The following PWWP2A variants were observed in gnomAD, a reference collection of about 807,000 sequenced individuals.
PWWP2A encodes the protein PWWP domain containing 2A, also known as PWWP domain-containing protein 2A.
PWWP2A carries 18 observed loss-of-function variants against 48.5 expected under a neutral mutation model. That is an observed-to-expected ratio of 0.37 (90% CI 0.26 to 0.55). The LOEUF is 0.55. Ranked by LOEUF, PWWP2A falls within the 20% of genes least tolerant of loss-of-function variation. The pLI is 0.81. For missense variants in PWWP2A, 867 were observed against 976.4 expected, an observed-to-expected ratio of 0.89 and a Z score of 1.49; for synonymous variants, 396 against 387.7, an observed-to-expected ratio of 1.02 and a Z score of -0.25.
chr5:160,046,224 C>T, the PWWP2A span, among the ~76,000 whole-genome samples: 4 of 152,202 alleles, frequency 2.6e-5, no homozygotes, highest in African/African-American at 9.6e-5. Flanking sequence ...GCCATTGAAA[C>T]CCATCTTGTA....
chr5:160,090,683 T>A, downstream of PWWP2A: 8 of 923,796 alleles, frequency 8.7e-6, no homozygotes, highest in Non-Finnish European at 7.5e-6. Flanking sequence ...TCAATCTCCA[T>A]TAATCTTTTC....
chr5:160,092,787 G>C lies in PWWP2A; in HGVS notation c.1863C>G (p.Ser621=). The C allele has an allele frequency of 6.4e-7, 1 of 1,551,676 alleles. No individual in the cohort carries two copies. Among genetic ancestry groups the C allele is most frequent in the African/African-American group, 1.4e-5 (1 of 73,168 alleles). Residue 621 remains serine (S), a synonymous_variant, in exon 2 of 2, where the codon TCC becomes TCG. Coordinates refer to ENST00000307063, the MANE Select transcript of PWWP2A (RefSeq NM_001130864.2). ...MHAPSTSSTS[S]SSKEEKKLSN... is the part of the protein sequence containing the mutation. ...TGAGCTTTTTCTCTTCCTTTGAAGA[G>C]GAGGAAGTGGAGGAGGTGGAAGGTG...
At chr5:160,054,596 T>C in the PWWP2A span, among the ~76,000 whole-genome samples, 1 of 150,518 alleles carries the variant, frequency 6.6e-6, no homozygotes, top group African/African-American at 2.4e-5. Context: ...CAAGACCCTG[T>C]CTCAAAAACA....
chr5:160,050,627 CTTTTT>C, the PWWP2A span, among the ~76,000 whole-genome samples: 2 of 109,338 alleles, frequency 1.8e-5, no homozygotes, highest in African/African-American at 3.6e-5. Flanking sequence ...CCAAACAAAA[CTTTTT>C]TTTTTTTTTT....
At chr5:160,068,743 C>G (rs1426385420) in intron 2 of PWWP2A, among the ~76,000 whole-genome samples, 2 of 152,170 alleles carry the variant, frequency 1.3e-5, no homozygotes. Context: ...TTAATAGCAC[C>G]AGCAGCTACC....
rs1754526401 is a variant in PWWP2A at position 160,085,113 on chromosome 5, CTG to C, written c.1550-4345_1550-4344del. Among the ~76,000 whole-genome samples, 4 of 152,222 alleles carry C rather than the reference CTG, an allele frequency of 2.6e-5. No individual in the cohort carries two copies. In the South Asian group the frequency reaches 8.3e-4, roughly 32 times the overall value. On this transcript the variant is annotated intron_variant, in intron 2 of 3. Coordinates refer to the PWWP2A transcript ENST00000456329. ...GCACAATCTTGGCTCACTGCAACCT[CTG>C]CCTCCTGGGTTCAAGTGATTCTCCT...
chr5:160,061,108 C>A (rs1020180579), downstream of PWWP2A, among the ~76,000 whole-genome samples: 4 of 152,232 alleles, frequency 2.6e-5, no homozygotes, highest in Admixed American at 6.5e-5. Flanking sequence ...GACAGCCTGG[C>A]AGGAGGCACC....
At chr5:160,063,784 C>T (rs924841217) in intron 4 of PWWP2A, 1 of 152,038 alleles carries the variant, frequency 6.6e-6, no homozygotes, top group African/African-American at 2.4e-5. Context: ...TATCTTAAAA[C>T]AGCATAAGAA....
At chr5:160,089,946 T>A (rs1189755516), downstream of PWWP2A, 1 of 985,068 alleles carries the variant, frequency 1.0e-6, no homozygotes, top group East Asian at 1.1e-4. Context: ...ACATTTCCAT[T>A]GGAATAAAAG....
chr5:160,094,153 T>G, intron 1 of PWWP2A, 88 bp from the exon 2 acceptor site: 1 of 1,351,986 alleles, frequency 7.4e-7, no homozygotes, highest in Non-Finnish European at 9.7e-7. Context: ...TGATGCTTAT[T>G]TATATAACCT....
At chr5:160,089,353 C>G (rs1754890981), downstream of PWWP2A, among the ~76,000 whole-genome samples, 2 of 152,186 alleles carry the variant, frequency 1.3e-5, no homozygotes, top group African/African-American at 4.8e-5. Context: ...TAGGCGTGCG[C>G]CACCATGCCC....
the PWWP2A span, among the ~76,000 whole-genome samples, chr5:160,051,357 G>A: frequency 6.6e-6 from 1 of 152,004 alleles, no homozygotes; most frequent in African/African-American, 2.4e-5. Flanking sequence ...AGAGGGTATT[G>A]GCTTTTTTTG....
At chr5:160,076,447 C>G (rs1753891614) in exon 4 of PWWP2A, 1 of 152,212 alleles carries the variant, frequency 6.6e-6, no homozygotes, top group South Asian at 2.1e-4. Context: ...AGTAGGGCAC[C>G]CCTATAGTAT....
At chr5:160,071,798 T>C (rs1753745182), downstream of PWWP2A, among the ~76,000 whole-genome samples, 1 of 152,164 alleles carries the variant, frequency 6.6e-6, no homozygotes, top group Admixed American at 6.5e-5. Context: ...GCCAGCTGGA[T>C]TGTATGTTCC....
chr5:160,093,827 G>A lies in PWWP2A; in HGVS notation c.823C>T (p.Pro275Ser). The A allele has an allele frequency of 1.2e-6, 2 of 1,614,020 alleles. No individual in the cohort carries two copies. Among genetic ancestry groups the A allele is most frequent in the Non-Finnish European group, 1.7e-6 (2 of 1,179,898 alleles). Residue 275 changes from proline (P) to serine (S), a missense_variant, in exon 2 of 2, where the codon CCT becomes TCT. By Grantham distance (74) the Pro-to-Ser change is moderately conservative. Around this residue, in one of 4 missense-constraint regions of PWWP2A, gnomAD observed 385 missense variants for 396.9 expected, o/e 0.97. Transcript: ENST00000307063. The surrounding 1 kb of genome is among the most constrained non-coding windows in gnomAD (Gnocchi z 5.8). ...TTATATGTGTCCCTGATAAACAAAG[G>A]GGGAGGATAAGGTGCTCCTTCATGG... ...LFHEGAPYPP[P>S]LFIRDTYNQS...
chr5:160,116,813 C>A (rs1194800109), intron 1 of PWWP2A: 1 of 984,786 alleles, frequency 1.0e-6, no homozygotes, highest in Non-Finnish European at 1.2e-6. Flanking sequence ...TCAGTAGAGG[C>A]CGGGCGAGGT....
At chr5:160,095,599 G>A (rs1183838794) in intron 1 of PWWP2A, among the ~76,000 whole-genome samples, 1 of 151,850 alleles carries the variant, frequency 6.6e-6, no homozygotes, top group African/African-American at 2.4e-5. Context: ...CAGTCACGTG[G>A]AACCTTCAAA....
At chr5:160,074,775 C>T (rs1006949543), downstream of PWWP2A, among the ~76,000 whole-genome samples, 3 of 150,992 alleles carry the variant, frequency 2.0e-5, no homozygotes, top group Admixed American at 2.0e-4. Context: ...ACAAAAAAAA[C>T]CTCTTTATTC....
chr5:160,050,724 C>G, the PWWP2A span, among the ~76,000 whole-genome samples: 1 of 149,964 alleles, frequency 6.7e-6, no homozygotes, highest in East Asian at 2.0e-4. Context: ...CTCCCAGATT[C>G]AAGCAACCCT....
Sources: gnomAD v4.1 joint callset for allele counts (sites outside exome capture counted in the v4.1 genomes callset) on GRCh38, gnomAD v4.1.1 for gene constraint, gnomAD v4.1.1 regional missense constraint, Gnocchi (gnomAD v3.1) non-coding constraint, MANE v1.5 for transcripts, NCBI Gene and HGNC (gene_info 2026-07-23, HGNC 2026-07-21) for gene names.